Variants in SLC9A4 observed in about 807,000 individuals in gnomAD.
SLC9A4 encodes sodium/hydrogen exchanger 4.
A neutral mutation model predicts 67.4 loss-of-function variants in SLC9A4; 63 were observed. The ratio of observed to expected loss-of-function variants is 0.93; its 90% CI spans 0.76 to 1.15. The LOEUF is 1.15. Ranked by LOEUF, SLC9A4 falls within the 50% of genes most tolerant of loss-of-function variation. SLC9A4 has a pLI of 0.00. For synonymous variants in SLC9A4, 393 were observed against 367.2 expected, an observed-to-expected ratio of 1.07 and a Z score of -0.80; for missense variants, 1,089 against 987.7, an observed-to-expected ratio of 1.10 and a Z score of -1.38.
At chr2:102,531,366 G>C (rs1010387059) in intron 11 of SLC9A4, among the ~76,000 whole-genome samples, 1 of 152,166 alleles carries the variant, frequency 6.6e-6, no homozygotes, top group Non-Finnish European at 1.5e-5. Context: ...ACATTGAAGT[G>C]GGGACAAGAC....
chr2:102,533,593 C>T lies in SLC9A4; in HGVS notation c.*905C>T, dbSNP rs1228456608. On this transcript the variant is annotated 3_prime_UTR_variant, in exon 12 of 12. Coordinates refer to ENST00000295269, the MANE Select transcript of SLC9A4 (RefSeq NM_001011552.4). ...GTGCCATGCTGGTGTGCTGCACCCG[C>T]TAACTCGTCATCTAGCATTAGGTGT... The T allele has an allele frequency of 6.6e-6, 1 of 151,284 alleles. No homozygotes were observed. The highest frequency in any genetic ancestry group is 1.5e-5 in the Non-Finnish European group (1 of 67,838). The allele number at this position is 151,284 out of a possible 1,614,324, so 9.4% of individuals were successfully genotyped here. A position where few individuals can be genotyped will look rare whatever the true frequency, so the allele number is the denominator to read the frequency against.
rs561470752 is a variant in SLC9A4, at chr2:102,494,404, A to C, written c.721-9044A>C. 1.8e-3 allele frequency among the ~76,000 whole-genome samples: 269 copies of C among 149,456 alleles called. 7 individuals are homozygous for C. The highest frequency in any genetic ancestry group is 6.2e-3 in the African/African-American group (242 of 38,874). The stretch of plus-strand genomic sequence containing the variant: ...ACAAGTATTCAATAAATAAAAATGA[A>C]TGCAGGAAGAGACAATAAACCAGGA... On this transcript the variant is annotated intron_variant, in intron 2 of 11. Transcript: ENST00000295269.
intron 1 of SLC9A4, among the ~76,000 whole-genome samples, chr2:102,476,801 G>A (rs1218643741): frequency 6.6e-6 from 1 of 152,052 alleles, no homozygotes; most frequent in Non-Finnish European, 1.5e-5. Flanking sequence ...AAGAGAAGAT[G>A]AAGAAGGAGG....
At chr2:102,502,952 C>T (rs1684972915) in intron 2 of SLC9A4, among the ~76,000 whole-genome samples, 1 of 152,226 alleles carries the variant, frequency 6.6e-6, no homozygotes, top group Admixed American at 6.5e-5. Context: ...GAGCCTGTGG[C>T]TCAGGCAGGA....
chr2:102,473,522 T>C lies in SLC9A4; in HGVS notation c.-238T>C. ...GCTCCATGGACTTTAACAAGTCTAT[T>C]GAATAACTGCATTTGAGTTGGAAGC... On this transcript the variant is annotated 5_prime_UTR_variant, in exon 1 of 12. Coordinates refer to ENST00000295269, the MANE Select transcript of SLC9A4 (RefSeq NM_001011552.4). The C allele has an allele frequency of 1.9e-6, 1 of 527,482 alleles. No individual in the cohort carries two copies. The highest frequency in any genetic ancestry group is 3.3e-6 in the Non-Finnish European group (1 of 298,970). 32.7% of individuals were successfully genotyped at this position (527,482 alleles called of 1,614,324 possible). A position where few individuals can be genotyped will look rare whatever the true frequency, so the allele number is the denominator to read the frequency against.
At chr2:102,514,638 T>C (rs1334699624) in intron 8 of SLC9A4, among the ~76,000 whole-genome samples, 1 of 152,264 alleles carries the variant, frequency 6.6e-6, no homozygotes, top group African/African-American at 2.4e-5. Flanking sequence ...TTTCTCTTCC[T>C]CTTTTACATG....
chr2:102,487,111 C>T (rs1684604584), intron 2 of SLC9A4, among the ~76,000 whole-genome samples: 1 of 152,056 alleles, frequency 6.6e-6, no homozygotes, highest in Admixed American at 6.5e-5. Flanking sequence ...CAGGCATTTG[C>T]CTTCAGACAT....
intron 2 of SLC9A4, among the ~76,000 whole-genome samples, chr2:102,483,751 T>C (rs1198438418): frequency 6.7e-6 from 1 of 148,480 alleles, no homozygotes; most frequent in East Asian, 2.0e-4. Context: ...CGTGAGAAGA[T>C]GGATACAAAA....
intron 3 of SLC9A4, 37 bp from the exon 4 acceptor site, chr2:102,505,217 C>T (rs761595567): frequency 1.9e-6 from 3 of 1,595,054 alleles, no homozygotes; most frequent in Non-Finnish European, 2.6e-6. Flanking sequence ...GGGGGAAAAC[C>T]TCATGGATTT....
chr2:102,517,363 A>G (rs530572251), intron 8 of SLC9A4, among the ~76,000 whole-genome samples: 4 of 152,298 alleles, frequency 2.6e-5, no homozygotes, highest in Non-Finnish European at 4.4e-5. Flanking sequence ...ATATCTTGGA[A>G]CTTCATCCTA....
intron 7 of SLC9A4, among the ~76,000 whole-genome samples, chr2:102,512,876 C>T (rs1223494856): frequency 6.6e-6 from 1 of 152,174 alleles, no homozygotes; most frequent in Admixed American, 6.5e-5. Flanking sequence ...GAAGCTCTCA[C>T]TCTCGTGGCG....
At chr2:102,500,384 A>G (rs900833718) in intron 2 of SLC9A4, among the ~76,000 whole-genome samples, 1 of 152,162 alleles carries the variant, frequency 6.6e-6, no homozygotes, top group African/African-American at 2.4e-5. Context: ...GAGAGGATAC[A>G]TTTTTGTTAA....
intron 4 of SLC9A4, 36 bp from the exon 5 acceptor site, chr2:102,508,043 G>A (rs866720849): frequency 6.3e-7 from 1 of 1,599,142 alleles, no homozygotes; most frequent in Non-Finnish European, 8.6e-7. Context: ...GCTCGTTCAT[G>A]ATCCTCTGCT....
chr2:102,507,907 T>C (rs1441781002), intron 4 of SLC9A4, among the ~76,000 whole-genome samples, 172 bp from the exon 5 acceptor site: 1 of 152,110 alleles, frequency 6.6e-6, no homozygotes, highest in East Asian at 1.9e-4. Flanking sequence ...GTCTCACAAC[T>C]ATCAAAGTGA....
intron 7 of SLC9A4, 122 bp downstream of exon 7, chr2:102,512,395 C>A: frequency 2.9e-6 from 3 of 1,026,392 alleles, no homozygotes; most frequent in Non-Finnish European, 2.9e-6. Context: ...CTGAGCCATC[C>A]CCTACAGGAA....
intron 2 of SLC9A4, among the ~76,000 whole-genome samples, chr2:102,480,104 C>T (rs1360979233): frequency 6.6e-6 from 1 of 152,170 alleles, no homozygotes; most frequent in African/African-American, 2.4e-5. Context: ...TACTAGAATA[C>T]ATTTTCACTG....
At chr2:102,511,507 A>G (rs1685162316) in intron 6 of SLC9A4, among the ~76,000 whole-genome samples, 1 of 151,958 alleles carries the variant, frequency 6.6e-6, no homozygotes, top group Non-Finnish European at 1.5e-5. Flanking sequence ...ATTTCAAACT[A>G]TTTTTCAAAA....
intron 4 of SLC9A4, among the ~76,000 whole-genome samples, chr2:102,507,809 T>C (rs939620144): frequency 2.0e-5 from 3 of 152,152 alleles, no homozygotes; most frequent in Admixed American, 6.5e-5. Context: ...AAAATCAAGA[T>C]TTTATTAATT....
intron 6 of SLC9A4, among the ~76,000 whole-genome samples, chr2:102,511,296 A>C (rs1356566973): frequency 6.6e-6 from 1 of 152,204 alleles, no homozygotes; most frequent in Non-Finnish European, 1.5e-5. Flanking sequence ...GATAAGGATA[A>C]GTAGTGACTG....
Sources: allele counts gnomAD v4.1 joint callset (sites outside exome capture counted in the v4.1 genomes callset), GRCh38; gene constraint gnomAD v4.1.1; transcripts MANE v1.5; gene names NCBI Gene and HGNC (gene_info 2026-07-23, HGNC 2026-07-21).